PRR16: variants seen among roughly 807,000 people sequenced by gnomAD.
PRR16 encodes the protein proline rich 16, also known as protein Largen.
Under a neutral mutation model 18.2 loss-of-function variants are expected in PRR16, and 6 were observed. The observed-to-expected ratio is 0.33, with a 90% CI of 0.18 to 0.65. The LOEUF is 0.65. Among genes scored for constraint, PRR16 ranks in the 30% least tolerant of loss-of-function variants. PRR16 has a pLI of 0.74. For missense variants in PRR16, 412 were observed against 376.6 expected, an observed-to-expected ratio of 1.09 and a Z score of -0.78; for synonymous variants, 151 against 147.8, an observed-to-expected ratio of 1.02 and a Z score of -0.16.
chr5:120,661,288 C>G (rs1002546485), intron 1 of PRR16, among the ~76,000 whole-genome samples: 1 of 152,092 alleles, frequency 6.6e-6, no homozygotes, highest in African/African-American at 2.4e-5. Context: ...GCTATTCCCT[C>G]TCCTGTCTTT....
chr5:120,518,900 C>A (rs1055197631), intron 1 of PRR16, among the ~76,000 whole-genome samples: 14 of 152,044 alleles, frequency 9.2e-5, no homozygotes, highest in African/African-American at 3.1e-4. Context: ...ATGGAAATCA[C>A]CTTTTAAGGA....
chr5:120,701,003 C>T, the PRR16 span, among the ~76,000 whole-genome samples: 1 of 152,162 alleles, frequency 6.6e-6, no homozygotes, highest in Non-Finnish European at 1.5e-5. Context: ...TAGGAGGAAT[C>T]CCGGGCTGCG....
At chr5:120,484,838 T>C (rs1246579311) in intron 1 of PRR16, among the ~76,000 whole-genome samples, 1 of 151,196 alleles carries the variant, frequency 6.6e-6, no homozygotes, top group African/African-American at 2.4e-5. Context: ...GATGGAATAA[T>C]TAGGAAGTTG....
At chr5:120,512,718 C>T (rs559088930) in intron 1 of PRR16, among the ~76,000 whole-genome samples, 1 of 152,144 alleles carries the variant, frequency 6.6e-6, no homozygotes, top group Non-Finnish European at 1.5e-5. Context: ...GAAGCCATTC[C>T]GTTGCTGGTA....
chr5:120,661,523 G>A (rs769351070), intron 1 of PRR16, among the ~76,000 whole-genome samples: 1 of 151,308 alleles, frequency 6.6e-6, no homozygotes, highest in African/African-American at 2.4e-5. Context: ...TTTCTGTTCT[G>A]TAATAATGGA....
intron 1 of PRR16, among the ~76,000 whole-genome samples, chr5:120,632,538 CAT>C: frequency 6.6e-6 from 1 of 151,806 alleles, no homozygotes; most frequent in African/African-American, 2.4e-5. Flanking sequence ...AAAAAAAAAT[CAT>C]AATGTCTGGA....
chr5:120,628,398 G>A (rs140030675), intron 1 of PRR16, among the ~76,000 whole-genome samples: 7 of 152,180 alleles, frequency 4.6e-5, no homozygotes, highest in Admixed American at 1.3e-4. Context: ...GCAGGCACTT[G>A]TTAGAGCTCT....
the PRR16 span, among the ~76,000 whole-genome samples, chr5:120,704,802 AT>A: frequency 6.6e-6 from 1 of 152,220 alleles, no homozygotes; most frequent in Admixed American, 6.5e-5. Flanking sequence ...ATCTGTTATT[AT>A]TTTATCCTAA....
chr5:120,523,007 A>G (rs549369342), intron 1 of PRR16, among the ~76,000 whole-genome samples: 1 of 152,280 alleles, frequency 6.6e-6, no homozygotes, highest in African/African-American at 2.4e-5. Context: ...AGTCATTTTT[A>G]TATTAAAACT....
the PRR16 span, among the ~76,000 whole-genome samples, chr5:120,792,798 C>G: frequency 6.6e-6 from 1 of 152,036 alleles, no homozygotes; most frequent in Admixed American, 6.6e-5. Flanking sequence ...TTGGAGAGAA[C>G]TACATTAAAC....
chr5:120,583,496 G>A (rs1042532768), intron 1 of PRR16, among the ~76,000 whole-genome samples: 1 of 152,094 alleles, frequency 6.6e-6, no homozygotes, highest in African/African-American at 2.4e-5. Flanking sequence ...GCTCACAAGG[G>A]GAGACTTTAT....
chr5:120,595,539 A>G (rs906790447), intron 1 of PRR16, among the ~76,000 whole-genome samples: 1 of 151,820 alleles, frequency 6.6e-6, no homozygotes, highest in African/African-American at 2.4e-5. Context: ...AAGTAGTGTG[A>G]CAATTTATGA....
the PRR16 span, among the ~76,000 whole-genome samples, chr5:120,692,808 G>T: frequency 6.6e-6 from 1 of 152,034 alleles, no homozygotes; most frequent in South Asian, 2.1e-4. Flanking sequence ...CTTAGTGGGG[G>T]GAATTAACAA....
At chr5:120,664,795 T>C (rs2150141114) in intron 1 of PRR16, among the ~76,000 whole-genome samples, 1 of 143,620 alleles carries the variant, frequency 7.0e-6, no homozygotes, top group South Asian at 2.4e-4. Flanking sequence ...CTCATCATTT[T>C]TTATGGCTGC....
intron 1 of PRR16, among the ~76,000 whole-genome samples, chr5:120,627,862 C>T (rs1411791795): frequency 6.6e-6 from 1 of 152,058 alleles, no homozygotes; most frequent in African/African-American, 2.4e-5. Context: ...AAAGACTTGT[C>T]AAAAGCTTAC....
At chr5:120,780,977 G>C in the PRR16 span, among the ~76,000 whole-genome samples, 3 of 152,168 alleles carry the variant, frequency 2.0e-5, no homozygotes, top group African/African-American at 7.2e-5. Flanking sequence ...TTGAACTTGG[G>C]AGGCGGAAGT....
At chr5:120,630,459 G>A (rs1022148090) in intron 1 of PRR16, among the ~76,000 whole-genome samples, 7 of 152,108 alleles carry the variant, frequency 4.6e-5, no homozygotes, top group Non-Finnish European at 7.4e-5. Context: ...TACTCTGGCA[G>A]ATGTTCCTGT....
intron 1 of PRR16, among the ~76,000 whole-genome samples, chr5:120,515,229 A>G (rs1750950111): frequency 6.6e-6 from 1 of 152,142 alleles, no homozygotes. Flanking sequence ...ACTCACTTTC[A>G]TGATAAACCC....
the PRR16 span, among the ~76,000 whole-genome samples, chr5:120,705,854 G>C: frequency 6.6e-6 from 1 of 151,834 alleles, no homozygotes; most frequent in Non-Finnish European, 1.5e-5. Context: ...GATGTGGATA[G>C]AAAAAAAATT....
Sources: allele counts gnomAD v4.1 joint callset (sites outside exome capture counted in the v4.1 genomes callset), GRCh38; gene constraint gnomAD v4.1.1; transcripts MANE v1.5; gene names NCBI Gene and HGNC (gene_info 2026-07-23, HGNC 2026-07-21).